Variants in MS4A14 observed in about 807,000 individuals in gnomAD.
The protein encoded by MS4A14 is membrane-spanning 4-domains subfamily A member 14.
In MS4A14, 18 loss-of-function variants were observed where a neutral mutation model predicts 16.7. The observed-to-expected ratio is 1.08, with a 90% CI of 0.75 to 1.60. MS4A14 has a LOEUF of 1.60. Ranked by LOEUF, MS4A14 falls within the 40% of genes most tolerant of loss-of-function variation. MS4A14 has a pLI of 0.00. For missense variants in MS4A14, 812 were observed against 775.3 expected, an observed-to-expected ratio of 1.05 and a Z score of -0.56; for synonymous variants, 305 against 289.4, an observed-to-expected ratio of 1.05 and a Z score of -0.55.
chr11:60,412,453 A>G (rs1396076907), intron 4 of MS4A14, among the ~76,000 whole-genome samples: 3 of 151,736 alleles, frequency 2.0e-5, no homozygotes, highest in African/African-American at 7.3e-5. Flanking sequence ...GAATCATTTT[A>G]GGTAATTTGT....
At chr11:60,398,242 G>T in intron 2 of MS4A14, 1 of 276,276 alleles carries the variant, frequency 3.6e-6, no homozygotes, top group Non-Finnish European at 6.9e-6. Context: ...CAACCTGGGA[G>T]ACTAGATGCA....
chr11:60,399,733 T>A (rs1309599914), intron 2 of MS4A14, among the ~76,000 whole-genome samples: 1 of 152,014 alleles, frequency 6.6e-6, no homozygotes, highest in Admixed American at 6.6e-5. Flanking sequence ...GAGGTAGAAG[T>A]GACAGGACTT....
chr11:60,403,639 G>A (rs1405606049), intron 4 of MS4A14, among the ~76,000 whole-genome samples: 1 of 152,132 alleles, frequency 6.6e-6, no homozygotes, highest in Non-Finnish European at 1.5e-5. Context: ...TCTTTTACCA[G>A]GAAATGTAGT....
At chr11:60,405,534 T>G (rs1308719991) in intron 4 of MS4A14, among the ~76,000 whole-genome samples, 1 of 152,228 alleles carries the variant, frequency 6.6e-6, no homozygotes, top group Non-Finnish European at 1.5e-5. Context: ...GTATATATGT[T>G]CTATCTGGCT....
At chr11:60,412,683 G>A (rs1302554433) in intron 4 of MS4A14, among the ~76,000 whole-genome samples, 1 of 151,698 alleles carries the variant, frequency 6.6e-6, no homozygotes. Flanking sequence ...ATCAACATTT[G>A]GGTTCATTGA....
chr11:60,411,456 T>A (rs774285568), intron 4 of MS4A14, among the ~76,000 whole-genome samples: 9 of 152,340 alleles, frequency 5.9e-5, no homozygotes, highest in Middle Eastern at 3.4e-3. Flanking sequence ...TGATTTATAT[T>A]TTTTAGCATA....
chr11:60,405,820 T>C, intron 4 of MS4A14: 1 of 1,187,574 alleles, frequency 8.4e-7, no homozygotes, highest in Non-Finnish European at 1.2e-6. Flanking sequence ...TGTAAGGGGT[T>C]CTCAGCTTAT....
chr11:60,405,362 A>AG (rs1214186606), intron 4 of MS4A14, among the ~76,000 whole-genome samples: 25 of 152,328 alleles, frequency 1.6e-4, no homozygotes, highest in African/African-American at 5.8e-4. Flanking sequence ...TACAGGCGTG[A>AG]GCCACCGCGC....
At chr11:60,402,313 G>T (rs989776705) in intron 3 of MS4A14, among the ~76,000 whole-genome samples, 4 of 152,124 alleles carry the variant, frequency 2.6e-5, no homozygotes, top group Non-Finnish European at 5.9e-5. Flanking sequence ...TAACGATTCT[G>T]TTGATTATTG....
At position 60,415,475 on chromosome 11, in the gene MS4A14, T is replaced by C; in HGVS notation, c.507T>C (p.Ser169=). Residue 169 remains serine, a synonymous_variant, in exon 5 of 5, where the codon AGT becomes AGC. Coordinates refer to ENST00000300187, the MANE Select transcript of MS4A14 (RefSeq NM_032597.5). The part of the protein sequence containing the change: ...FFLPSDVTQN[S]EQPAPEENDQ... ...TGCCTTCGGATGTTACTCAAAATAG[T>C]GAACAACCTGCCCCAGAAGAAAATG... The C allele has an allele frequency of 6.2e-7, 1 of 1,612,766 alleles. No individual in the cohort carries two copies. The highest frequency in any genetic ancestry group is 1.1e-5 in the South Asian group (1 of 90,750).
intron 4 of MS4A14, among the ~76,000 whole-genome samples, chr11:60,408,789 C>G (rs2135141837): frequency 6.6e-6 from 1 of 152,086 alleles, no homozygotes; most frequent in South Asian, 2.1e-4. Context: ...CTGCTCAAGT[C>G]CCTGTTTTCA....
rs889281708 is a variant in MS4A14, at chr11:60,417,264, A to C, written c.*256A>C. ...AGAGACATCAAACCAGGGGACATGA[A>C]ATGTATAGGGCAAACCTCAGGGGAC... is the stretch of plus-strand genomic sequence containing the variant. On this transcript the variant is annotated 3_prime_UTR_variant, in exon 5 of 5. Coordinates refer to ENST00000300187, the MANE Select transcript of MS4A14 (RefSeq NM_032597.5). 2.7e-6 allele frequency: 1 copy of C among 365,990 alleles called. No individual in the cohort carries two copies. Among genetic ancestry groups the C allele is most frequent in the Non-Finnish European group, 4.9e-6 (1 of 203,234 alleles). 22.7% of individuals were successfully genotyped at this position (365,990 alleles called of 1,614,324 possible). A position where few individuals can be genotyped will look rare whatever the true frequency, so the allele number is the denominator to read the frequency against.
chr11:60,408,782 C>T (rs1184167142), intron 4 of MS4A14, among the ~76,000 whole-genome samples: 1 of 152,048 alleles, frequency 6.6e-6, no homozygotes, highest in African/African-American at 2.4e-5. Context: ...AAAATATCTG[C>T]TCAAGTCCCT....
At chr11:60,411,662 T>C (rs1217425010) in intron 4 of MS4A14, among the ~76,000 whole-genome samples, 4 of 152,212 alleles carry the variant, frequency 2.6e-5, no homozygotes, top group Non-Finnish European at 5.9e-5. Flanking sequence ...GTAGCTTTCC[T>C]GTGGATTTGG....
At chr11:60,404,291 C>A (rs994907732) in intron 4 of MS4A14, among the ~76,000 whole-genome samples, 1 of 152,166 alleles carries the variant, frequency 6.6e-6, no homozygotes, top group Non-Finnish European at 1.5e-5. Flanking sequence ...CATAACTTAA[C>A]AATTTCTTGC....
intron 4 of MS4A14, 136 bp downstream of exon 4, chr11:60,403,197 T>C (rs2085740703): frequency 1.1e-6 from 1 of 924,546 alleles, no homozygotes; most frequent in Non-Finnish European, 1.7e-6. Flanking sequence ...AAGGGTACCA[T>C]GGGGTTACTG....
chr11:60,398,084 G>A, intron 2 of MS4A14, 104 bp downstream of exon 2: 2 of 1,274,542 alleles, frequency 1.6e-6, no homozygotes, highest in Non-Finnish European at 2.1e-6. Context: ...CCCTCCAGGA[G>A]ACCAAAAAAG....
chr11:60,404,098 A>G (rs764380650), intron 4 of MS4A14, among the ~76,000 whole-genome samples: 1 of 152,228 alleles, frequency 6.6e-6, no homozygotes, highest in Non-Finnish European at 1.5e-5. Flanking sequence ...GCCATTGCTG[A>G]ATGGACAGGA....
intron 4 of MS4A14, among the ~76,000 whole-genome samples, chr11:60,406,628 T>C (rs879713183): frequency 1.1e-4 from 16 of 152,334 alleles, no homozygotes; most frequent in African/African-American, 3.4e-4. Flanking sequence ...CAAATACCAG[T>C]ACAGGCCTTG....
Sources: allele counts gnomAD v4.1 joint callset (sites outside exome capture counted in the v4.1 genomes callset), GRCh38; gene constraint gnomAD v4.1.1; transcripts MANE v1.5; gene names NCBI Gene and HGNC (gene_info 2026-07-23, HGNC 2026-07-21).